EPC2: variants seen among roughly 807,000 people sequenced by gnomAD.
The protein encoded by EPC2 is enhancer of polycomb homolog 2.
In EPC2, 14 loss-of-function variants were observed where a neutral mutation model predicts 92.1. The ratio of observed to expected loss-of-function variants is 0.15; its 90% CI spans 0.10 to 0.24. The LOEUF (loss-of-function observed/expected upper bound fraction) is 0.24, where lower values mean the gene tolerates loss of function less well. Ranked by LOEUF, EPC2 falls within the 10% of genes least tolerant of loss-of-function variation. The probability of loss-of-function intolerance (pLI) is 1.00; values close to 1 mark genes in which losing one functional copy is unlikely to be tolerated. For missense variants in EPC2, 755 were observed against 971.5 expected (o/e 0.78, Z 2.96); for synonymous variants, 340 against 334.7 (o/e 1.02, Z -0.17).
rs1269103398 is a variant in EPC2 at position 148,786,457 on chromosome 2, TG to T, written c.*82del. ...GCTGAATGCAAAAGGCAACACTCTG[TG>T]GATCACAGAGTGTAACAATGGACCT... is the stretch of plus-strand genomic sequence containing the variant. On this transcript the variant is annotated 3_prime_UTR_variant, in exon 14 of 14. Coordinates refer to ENST00000258484, the MANE Select transcript of EPC2 (RefSeq NM_015630.4). 5.9e-5 allele frequency: 67 copies of T among 1,126,874 alleles called. No homozygotes were observed. The highest frequency in any genetic ancestry group is 7.9e-5 in the Non-Finnish European group (60 of 759,500). 69.8% of individuals were successfully genotyped at this position (1,126,874 alleles called of 1,614,324 possible). A position where few individuals can be genotyped will look rare whatever the true frequency, so the allele number is the denominator to read the frequency against.
At chr2:148,700,583 TC>T (rs1681854124) in intron 2 of EPC2, among the ~76,000 whole-genome samples, 1 of 151,740 alleles carries the variant, frequency 6.6e-6, no homozygotes, top group African/African-American at 2.4e-5. Context: ...TCTATTCTGT[TC>T]CATTGATCTA....
At chr2:148,756,011 G>C (rs1273773574) in intron 4 of EPC2, among the ~76,000 whole-genome samples, 1 of 152,046 alleles carries the variant, frequency 6.6e-6, no homozygotes, top group Non-Finnish European at 1.5e-5. Flanking sequence ...TTAGTGAATG[G>C]GTATGGAATA....
At chr2:148,651,623 G>C (rs1454479982) in intron 1 of EPC2, among the ~76,000 whole-genome samples, 1 of 151,998 alleles carries the variant, frequency 6.6e-6, no homozygotes, top group African/African-American at 2.4e-5. Flanking sequence ...TTCTAGTTCT[G>C]GTTGTCATGG....
At chr2:148,776,878 T>TTTTTTTTTTTTTG in intron 10 of EPC2, among the ~76,000 whole-genome samples, 1 of 85,820 alleles carries the variant, frequency 1.2e-5, no homozygotes, top group East Asian at 2.7e-4. Context: ...TTTTTTTTTT[T>TTTTTTTTTTTTTG]GAGACAGAGT....
At chr2:148,646,476 T>C (rs1023658819) in intron 1 of EPC2, among the ~76,000 whole-genome samples, 1 of 152,150 alleles carries the variant, frequency 6.6e-6, no homozygotes, top group Admixed American at 6.5e-5. Context: ...ATGTAATAGA[T>C]ATATATACAC....
chr2:148,694,950 T>C (rs1412683579), intron 2 of EPC2, among the ~76,000 whole-genome samples: 1 of 152,188 alleles, frequency 6.6e-6, no homozygotes, highest in Non-Finnish European at 1.5e-5. Flanking sequence ...TTTTTGTATT[T>C]TTAGTAGAGA....
chr2:148,777,049 G>A (rs180718129), intron 10 of EPC2, among the ~76,000 whole-genome samples: 79 of 151,654 alleles, frequency 5.2e-4, no homozygotes, highest in Admixed American at 8.6e-4. Context: ...TAGGAGAGAC[G>A]GGGTTTCACC....
At chr2:148,730,924 T>C (rs928736902) in intron 2 of EPC2, among the ~76,000 whole-genome samples, 1 of 152,206 alleles carries the variant, frequency 6.6e-6, no homozygotes, top group African/African-American at 2.4e-5. Flanking sequence ...ATTGAACATA[T>C]GGTCCTGAAT....
intron 2 of EPC2, among the ~76,000 whole-genome samples, chr2:148,713,039 A>G (rs1682184299): frequency 6.6e-6 from 1 of 152,224 alleles, no homozygotes; most frequent in Non-Finnish European, 1.5e-5. Flanking sequence ...TAAATAAATA[A>G]CAATTATTCA....
At chr2:148,693,594 TCC>T (rs1681683731) in intron 2 of EPC2, among the ~76,000 whole-genome samples, 1 of 152,176 alleles carries the variant, frequency 6.6e-6, no homozygotes, top group African/African-American at 2.4e-5. Context: ...CACTGTAACC[TCC>T]TCGCGATCAG....
chr2:148,692,008 A>G, intron 2 of EPC2: 1 of 352,510 alleles, frequency 2.8e-6, no homozygotes, highest in Non-Finnish European at 5.5e-6. Flanking sequence ...AATAATAGTC[A>G]TATTCTCTAG....
intron 3 of EPC2, among the ~76,000 whole-genome samples, chr2:148,749,464 A>G (rs2105412704): frequency 6.6e-6 from 1 of 151,834 alleles, no homozygotes; most frequent in East Asian, 1.9e-4. Flanking sequence ...ACTCAATATA[A>G]TAATCACATC....
At chr2:148,730,678 G>A in intron 2 of EPC2, among the ~76,000 whole-genome samples, 1 of 152,150 alleles carries the variant, frequency 6.6e-6, no homozygotes, top group East Asian at 1.9e-4. Context: ...AGGGGCATCT[G>A]AGTCTGTCAG....
intron 6 of EPC2, 112 bp downstream of exon 6, chr2:148,762,914 A>G (rs1375186254): frequency 1.7e-6 from 2 of 1,202,506 alleles, no homozygotes. Context: ...AATTAACGTG[A>G]CTTTAGTTCT....
intron 2 of EPC2, among the ~76,000 whole-genome samples, chr2:148,709,284 C>A (rs1682079345): frequency 6.6e-6 from 1 of 152,116 alleles, no homozygotes; most frequent in East Asian, 1.9e-4. Flanking sequence ...ATCCAACTTA[C>A]AAGGGATGTG....
At chr2:148,746,541 G>A (rs13021640) in intron 3 of EPC2, among the ~76,000 whole-genome samples, 27,760 of 152,030 alleles carry the variant, frequency 0.18, 3,270 homozygotes, top group East Asian at 0.49. Context: ...CTTCTTTCCA[G>A]TGTGACAGAC....
At chr2:148,657,542 A>C (rs907184521) in intron 1 of EPC2, among the ~76,000 whole-genome samples, 1 of 152,060 alleles carries the variant, frequency 6.6e-6, no homozygotes, top group African/African-American at 2.4e-5. Context: ...ATTTTTAAGA[A>C]GTTCCCAGGT....
intron 4 of EPC2, among the ~76,000 whole-genome samples, chr2:148,759,195 C>T (rs1343258972): frequency 6.6e-6 from 1 of 152,094 alleles, no homozygotes; most frequent in African/African-American, 2.4e-5. Flanking sequence ...TGGGATCAAG[C>T]GATTCTCCTG....
intron 4 of EPC2, among the ~76,000 whole-genome samples, chr2:148,755,207 C>G (rs1169786633): frequency 1.3e-5 from 2 of 151,556 alleles, no homozygotes; most frequent in Non-Finnish European, 2.9e-5. Flanking sequence ...ATTCCCTAAC[C>G]CAGACTTGAG....
Sources: gnomAD v4.1 joint callset for allele counts (sites outside exome capture counted in the v4.1 genomes callset) on GRCh38, gnomAD v4.1.1 for gene constraint, MANE v1.5 for transcripts, NCBI Gene and HGNC (gene_info 2026-07-23, HGNC 2026-07-21) for gene names.